Variants in PLIN1 observed in about 807,000 individuals in gnomAD.
PLIN1 encodes the protein perilipin-1.
PLIN1 carries 37 observed loss-of-function variants against 45.8 expected under a neutral mutation model. That is an observed-to-expected ratio of 0.81 (90% CI 0.62 to 1.06). The LOEUF is 1.06. Among genes scored for constraint, PLIN1 ranks in the 50% least tolerant of loss-of-function variants. PLIN1 has a pLI of 0.00. For synonymous variants in PLIN1, 340 were observed against 309.2 expected (o/e 1.10, Z -1.05); for missense variants, 776 against 716.5 (o/e 1.08, Z -0.95).
rs982204288 is a variant in PLIN1, at chr15:89,665,684, C to A, written c.1468G>T (p.Glu490Ter). The part of the protein sequence containing the change: ...PRPGFPAVPR[E>*]KPKRRVSDSF... ...TCGCTGACCCTGCGCTTTGGCTTCT[C>A]GCGGGGCACGGCCGGGAAGCCCGGG... The change falls in exon 9 of 9, where the codon GAG (glutamate) becomes TAG (stop). Residue 490 changes from glutamate (E) to a stop codon, truncating the protein, a stop_gained. Transcript: ENST00000300055. LOFTEE classifies it high-confidence loss of function. 4.1e-6 allele frequency: 6 copies of A among 1,480,114 alleles called. No individual in the cohort carries two copies. In the African/African-American group the frequency reaches 7.3e-5, roughly 18 times the overall value. 91.7% of individuals were successfully genotyped at this position (1,480,114 alleles called of 1,614,324 possible). A position where few individuals can be genotyped will look rare whatever the true frequency, so the allele number is the denominator to read the frequency against.
intron 2 of PLIN1, among the ~76,000 whole-genome samples, chr15:89,673,668 T>G (rs1164811416): frequency 6.6e-6 from 1 of 152,148 alleles, no homozygotes; most frequent in Non-Finnish European, 1.5e-5. Context: ...GCAATCTCTG[T>G]TCTCCAGGGA....
rs1412165024 is a variant in PLIN1, at chr15:89,673,237, G to A, written c.223C>T (p.Pro75Ser). 3 of 1,573,660 alleles carry A rather than the reference G, an allele frequency of 1.9e-6. No homozygotes were observed. Residue 75 changes from proline (P) to serine (S), a missense_variant, in exon 3 of 9, where the codon CCG (proline) becomes TCG (serine). Transcript: ENST00000300055. ...TGGGTGGACAGCCTGCGGACCACCG[G>A]CTCCATGCTCCAGGCAGCCAAGCTA... ...ASSLAAWSME[P>S]VVRRLSTQFT...
rs1385345783 is a variant in PLIN1, at chr15:89,664,849, A to G, written c.*734T>C. The stretch of plus-strand genomic sequence containing the variant: ...CTGTGGCTATACATAAAGTCTATAT[A>G]TCATCACCATTTTGGTTCCCCAGCA... On this transcript the variant is annotated 3_prime_UTR_variant, in exon 9 of 9. Transcript: ENST00000300055. The G allele has an allele frequency of 2.2e-6, 1 of 456,106 alleles. No homozygotes were observed. The highest frequency in any genetic ancestry group is 6.9e-5 in the East Asian group (1 of 14,400). The allele number at this position is 456,106 out of a possible 1,614,324, so 28.3% of individuals were successfully genotyped here. A position where few individuals can be genotyped will look rare whatever the true frequency, so the allele number is the denominator to read the frequency against.
At position 89,665,398 on chromosome 15, in the gene PLIN1, A is replaced by G. The variant is rs1300819995; in HGVS notation, c.*185T>C. 8 of 430,506 alleles carry G rather than the reference A, an allele frequency of 1.9e-5. No homozygotes were observed. The highest frequency in any genetic ancestry group is 3.2e-5 in the Non-Finnish European group (8 of 253,828). The allele number at this position is 430,506 out of a possible 1,614,324, so 26.7% of individuals were successfully genotyped here. A position where few individuals can be genotyped will look rare whatever the true frequency, so the allele number is the denominator to read the frequency against. On this transcript the variant is annotated 3_prime_UTR_variant, in exon 9 of 9. Transcript: ENST00000300055. ...CTGGCTCTGAGAGTGAAGCCCCAAA[A>G]GGATGCTAAAAAAAAAATAAAAATA...
chr15:89,665,596 C>G lies in PLIN1; in HGVS notation c.1556G>C (p.Arg519Pro), dbSNP rs746427650. 2.0e-4 allele frequency: 306 copies of G among 1,527,004 alleles called. No homozygotes were observed. Among genetic ancestry groups the G allele is most frequent in the Non-Finnish European group, 2.6e-4 (296 of 1,138,986 alleles). 94.6% of individuals were successfully genotyped at this position (1,527,004 alleles called of 1,614,324 possible). The change falls in exon 9 of 9, where the codon CGC becomes CCC. Residue 519 changes from arginine to proline, a missense_variant. Arg to Pro is a moderately radical substitution (Grantham distance 103). Coordinates refer to ENST00000300055, the MANE Select transcript of PLIN1 (RefSeq NM_002666.5). Reference sequence around the variant, plus strand: ...TGGTGCGGCGACTCAGCTCTTCTTGCGCAGCTGGCTGTAATGCGTGCGGCC... The same window carrying G: ...TGGTGCGGCGACTCAGCTCTTCTTGGGCAGCTGGCTGTAATGCGTGCGGCC... ...ILGRTHYSQL[R>P]KKS
chr15:89,667,116 G>A lies in PLIN1; in HGVS notation c.1029C>T (p.Leu343=). 6.2e-7 allele frequency: 1 copy of A among 1,614,064 alleles called. No homozygotes were observed. Among genetic ancestry groups the A allele is most frequent in the Non-Finnish European group, 8.5e-7 (1 of 1,180,010 alleles). The change falls in exon 8 of 9, where the codon CTC becomes CTT. Residue 343 remains leucine (L), a synonymous_variant. Coordinates refer to ENST00000300055, the MANE Select transcript of PLIN1 (RefSeq NM_002666.5). ...GGVAHTLQKT[L]QTTISAVTWA... ...ATGTCACAGCCGAGATGGTGGTCTG[G>A]AGGGTCTTCTGCAGGGTATGTGCCA...
Position 89,667,622 on chromosome 15 carries a change from C to G in PLIN1, c.943G>C (p.Glu315Gln), listed in dbSNP as rs369094409. 1 of 1,614,018 alleles carries G rather than the reference C, an allele frequency of 6.2e-7. No homozygotes were observed. Among genetic ancestry groups the G allele is most frequent in the Non-Finnish European group, 8.5e-7 (1 of 1,179,918 alleles). Reference protein sequence around the residue: ...DTEEEEELETEENKFSEVAAL... With the variant: ...DTEEEEELETQENKFSEVAAL... ...CTCACCTCACTGAACTTGTTCTCCT[C>G]AGTCTCCAATTCTTCCTCCTCCTCC... The change falls in exon 7 of 9, where the codon GAG becomes CAG. Residue 315 changes from glutamate to glutamine, a missense_variant. Physicochemically the swap from Glu to Gln is conservative, Grantham distance 29. Coordinates refer to ENST00000300055, the MANE Select transcript of PLIN1 (RefSeq NM_002666.5).
chr15:89,666,920 C>G lies in PLIN1; in HGVS notation c.1209+16G>C. Reference sequence around the variant, plus strand: ...CCCCCTTGGGACACTAACAGTTTGCCAGGGGTGGTACTCACCGGCACGTAA... The same window carrying G: ...CCCCCTTGGGACACTAACAGTTTGCGAGGGGTGGTACTCACCGGCACGTAA... On this transcript the variant is annotated intron_variant, in intron 8 of 8. Transcript: ENST00000300055. 1 of 1,613,704 alleles carries G rather than the reference C, an allele frequency of 6.2e-7. No individual in the cohort carries two copies. Among genetic ancestry groups the G allele is most frequent in the Non-Finnish European group, 8.5e-7 (1 of 1,179,846 alleles).
At chr15:89,677,139 G>T (rs1964531047) in intron 2 of PLIN1, 1 of 459,206 alleles carries the variant, frequency 2.2e-6, no homozygotes, top group Admixed American at 3.4e-5. Context: ...CAGAGCATGG[G>T]CTTCTGCGTC....
chr15:89,666,711 C>T (rs1325517776), intron 8 of PLIN1, among the ~76,000 whole-genome samples: 10 of 151,954 alleles, frequency 6.6e-5, no homozygotes, highest in Non-Finnish European at 1.5e-4. Flanking sequence ...TGGGAGGGGC[C>T]GTGGGGAGAG....
Position 89,679,096 on chromosome 15 carries a change from C to T in PLIN1, c.-15+155G>A, listed in dbSNP as rs557873275. Among the ~76,000 whole-genome samples, 3 of 152,198 alleles carry T rather than the reference C, an allele frequency of 2.0e-5. No homozygotes were observed. In the South Asian group the frequency reaches 6.2e-4, roughly 32 times the overall value. On this transcript the variant is annotated intron_variant, in intron 1 of 8. Coordinates refer to ENST00000300055, the MANE Select transcript of PLIN1 (RefSeq NM_002666.5). ...CTCCTGGGCTCAAGTGATCCACCTG[C>T]CTTGGCCACCTGCAGTGCTGGGATT...
rs1056791793 is a variant in PLIN1 at position 89,667,306 on chromosome 15, G to A, written c.964-125C>T. 4.3e-5 allele frequency: 55 copies of A among 1,282,890 alleles called. No homozygotes were observed. In the Admixed American group the frequency reaches 4.9e-4, roughly 11 times the overall value. 79.5% of individuals were successfully genotyped at this position (1,282,890 alleles called of 1,614,324 possible). A position where few individuals can be genotyped will look rare whatever the true frequency, so the allele number is the denominator to read the frequency against. On this transcript the variant is annotated intron_variant, in intron 7 of 8. Transcript: ENST00000300055. ...ATTTACAAAACTTCAGGCCTATTCT[G>A]CCACTAGCAGTGTGGCCTTGGACAG...
intron 6 of PLIN1, 87 bp from the exon 7 acceptor site, chr15:89,667,880 G>C: frequency 6.6e-7 from 1 of 1,526,556 alleles, no homozygotes; most frequent in Non-Finnish European, 8.8e-7. Flanking sequence ...TCGCCCCCAG[G>C]GTCCGGGCCA....
rs1434838757 is a variant in PLIN1 at position 89,665,619 on chromosome 15, G to A, written c.1533C>T (p.Gly511=). 1.3e-6 allele frequency: 2 copies of A among 1,520,588 alleles called. No individual in the cohort carries two copies. The highest frequency in any genetic ancestry group is 1.2e-5 in the South Asian group (1 of 82,436). The allele number at this position is 1,520,588 out of a possible 1,614,324, so 94.2% of individuals were successfully genotyped here. A position where few individuals can be genotyped will look rare whatever the true frequency, so the allele number is the denominator to read the frequency against. The change falls in exon 9 of 9, where the codon GGC becomes GGT. Residue 511 remains glycine (G), a synonymous_variant. Coordinates refer to ENST00000300055, the MANE Select transcript of PLIN1 (RefSeq NM_002666.5). ...FRPSVMEPIL[G]RTHYSQLRKK... is the part of the protein sequence containing the mutation. The stretch of plus-strand genomic sequence containing the variant: ...TGCGCAGCTGGCTGTAATGCGTGCG[G>A]CCCAGGATGGGCTCCATGACGCTGG...
intron 6 of PLIN1, 107 bp from the exon 7 acceptor site, chr15:89,667,900 C>T: frequency 6.6e-7 from 1 of 1,505,858 alleles, no homozygotes; most frequent in East Asian, 2.5e-5. Flanking sequence ...AGGTGGTGAG[C>T]AGGGCTCAGC....
Position 89,677,427 on chromosome 15 carries a change from T to G in PLIN1, c.45+18A>C, listed in dbSNP as rs745341695. On this transcript the variant is annotated intron_variant, in intron 2 of 8. Coordinates refer to ENST00000300055, the MANE Select transcript of PLIN1 (RefSeq NM_002666.5). ...TCAGTTGTCCATCCCCTGTCACAGA[T>G]GAGCCCAAGTTACTTACAGGGAGGT... is the stretch of plus-strand genomic sequence containing the variant. 4 of 1,607,830 alleles carry G rather than the reference T, an allele frequency of 2.5e-6. No individual in the cohort carries two copies. Among genetic ancestry groups the G allele is most frequent in the Non-Finnish European group, 3.4e-6 (4 of 1,174,368 alleles).
In PLIN1 at chr15:89,667,774, C is replaced by G; in HGVS notation, c.791G>C (p.Gly264Ala). 1.3e-6 allele frequency: 2 copies of G among 1,559,390 alleles called. No individual in the cohort carries two copies. The highest frequency in any genetic ancestry group is 1.7e-6 in the Non-Finnish European group (2 of 1,152,004). ...CACCGCCTGCATGGCCACTGAGGCA[C>G]CCCACTGGGCCAGGCTGCTCTGAGG... ...VVPLSSLAQWGASVAMQAVSR... is the reference protein window; with the variant it reads ...VVPLSSLAQWAASVAMQAVSR... Residue 264 changes from glycine (G) to alanine (A), a missense_variant, in exon 7 of 9, where the codon GGT becomes GCT. By Grantham distance (60) the Gly-to-Ala change is moderately conservative (BLOSUM62 0). Transcript: ENST00000300055.
rs375169906 is a variant in PLIN1 at position 89,673,422 on chromosome 15, G to A, written c.46-8C>T. The A allele has an allele frequency of 1.1e-4, 180 of 1,589,906 alleles. No individual in the cohort carries two copies. The African/African-American group carries it at 2.2e-3, about 19-fold the overall frequency. On this transcript the variant is annotated splice_region_variant and splice_polypyrimidine_tract_variant and intron_variant, in intron 2 of 8. Coordinates refer to ENST00000300055, the MANE Select transcript of PLIN1 (RefSeq NM_002666.5). ...CAGCACATTCTCCTGCTCCTGGTGCGGAAGGAACACATTCAAGTTGTCCCA... is the reference window on the plus strand; with the variant it reads ...CAGCACATTCTCCTGCTCCTGGTGCAGAAGGAACACATTCAAGTTGTCCCA...
rs190628416 is a variant in PLIN1, at chr15:89,678,977, C to T, written c.-15+274G>A. Among the ~76,000 whole-genome samples, 5 of 152,200 alleles carry T rather than the reference C, an allele frequency of 3.3e-5. No individual in the cohort carries two copies. The South Asian group carries it at 8.3e-4, about 25-fold the overall frequency. On this transcript the variant is annotated intron_variant, in intron 1 of 8. Transcript: ENST00000300055. ...CCTCCCACCTCAGCCTCTCATGTAG[C>T]TGGGACTACAGGCATGCACCACAAT...
Sources: allele counts gnomAD v4.1 joint callset (sites outside exome capture counted in the v4.1 genomes callset), GRCh38; gene constraint gnomAD v4.1.1; transcripts MANE v1.5; gene names NCBI Gene and HGNC (gene_info 2026-07-23, HGNC 2026-07-21).